Variants in ZNF30 observed in about 807,000 individuals in gnomAD.
The protein encoded by ZNF30 is zinc finger protein 30 (KOX 28).
Under a neutral mutation model 13.2 loss-of-function variants are expected in ZNF30, and 15 were observed. The observed-to-expected ratio is 1.13, with a 90% CI of 0.76 to 1.75. The LOEUF is 1.75. ZNF30 is among the 40% of genes most tolerant of loss of function. The probability of loss-of-function intolerance (pLI) is 0.00; values close to 1 mark genes in which losing one functional copy is unlikely to be tolerated. For synonymous variants in ZNF30, 223 were observed against 256.6 expected (o/e 0.87, Z 1.25); for missense variants, 726 against 757.0 (o/e 0.96, Z 0.48).
intron 4 of ZNF30, among the ~76,000 whole-genome samples, chr19:34,938,894 G>A (rs931710681): frequency 2.0e-5 from 3 of 152,142 alleles, no homozygotes; most frequent in Admixed American, 1.3e-4. Flanking sequence ...GCAGAGAGAC[G>A]AGACACACAC....
upstream of ZNF30, among the ~76,000 whole-genome samples, chr19:34,925,982 G>A (rs913929989): frequency 6.6e-6 from 1 of 152,100 alleles, no homozygotes; most frequent in African/African-American, 2.4e-5. Context: ...GACTAGCCTG[G>A]GCAAGATGGC....
At chr19:34,934,720 C>T (rs1372476589) in intron 4 of ZNF30, among the ~76,000 whole-genome samples, 1 of 152,026 alleles carries the variant, frequency 6.6e-6, no homozygotes, top group Non-Finnish European at 1.5e-5. Flanking sequence ...AGGCAGATAC[C>T]TTTGTAACCA....
intron 4 of ZNF30, among the ~76,000 whole-genome samples, chr19:34,941,026 A>G (rs538106962): frequency 6.6e-6 from 1 of 152,340 alleles, no homozygotes; most frequent in South Asian, 2.1e-4. Context: ...TCTCATAAGA[A>G]TAATATTTCT....
At chr19:34,942,930 T>G (rs1838680168) in intron 4 of ZNF30, among the ~76,000 whole-genome samples, 2 of 152,248 alleles carry the variant, frequency 1.3e-5, no homozygotes, top group African/African-American at 4.8e-5. Flanking sequence ...GAACTTCCCC[T>G]ATGTCTGATT....
Position 34,943,994 on chromosome 19 carries a change from C to G in ZNF30, c.1028C>G (p.Pro343Arg). 1 of 1,614,030 alleles carries G rather than the reference C, an allele frequency of 6.2e-7. No homozygotes were observed. The highest frequency in any genetic ancestry group is 8.5e-7 in the Non-Finnish European group (1 of 1,180,018). ...RHQSIHTGEK[P>R]FECKECGKAF... The stretch of plus-strand genomic sequence containing the variant: ...CAGAGTATTCATACTGGTGAGAAAC[C>G]TTTTGAATGTAAGGAATGTGGAAAG... Residue 343 changes from proline (P) to arginine (R), a missense_variant, in exon 5 of 5, where the codon CCT (proline) becomes CGT (arginine). Coordinates refer to ENST00000601142, the MANE Select transcript of ZNF30 (RefSeq NM_194325.3).
At chr19:34,930,529 T>A (rs1370048803) in intron 2 of ZNF30, among the ~76,000 whole-genome samples, 2 of 152,056 alleles carry the variant, frequency 1.3e-5, no homozygotes, top group African/African-American at 4.8e-5. Flanking sequence ...ATGCATTTGG[T>A]TCTGAGTCAT....
At chr19:34,942,473 A>G in intron 4 of ZNF30, 1 of 382,740 alleles carries the variant, frequency 2.6e-6, no homozygotes. Context: ...AAAAAGAAAA[A>G]GAAAACCAGT....
chr19:34,930,251 A>G (rs754556363), intron 2 of ZNF30, among the ~76,000 whole-genome samples: 7 of 152,204 alleles, frequency 4.6e-5, no homozygotes, highest in Non-Finnish European at 1.0e-4. Context: ...TGAGCTTCCT[A>G]CATCCATCTG....
intron 4 of ZNF30, among the ~76,000 whole-genome samples, chr19:34,942,868 T>C (rs1446543099): frequency 6.6e-6 from 1 of 152,134 alleles, no homozygotes; most frequent in Non-Finnish European, 1.5e-5. Context: ...TTATAAAAAT[T>C]TCATCTGCAT....
intron 4 of ZNF30, among the ~76,000 whole-genome samples, chr19:34,939,382 G>A (rs1353101543): frequency 6.6e-6 from 1 of 151,990 alleles, no homozygotes; most frequent in Non-Finnish European, 1.5e-5. Context: ...GTTTCACCAT[G>A]TTGGCCAGGC....
At chr19:34,929,293 T>C (rs1306383208) in intron 1 of ZNF30, among the ~76,000 whole-genome samples, 2 of 152,072 alleles carry the variant, frequency 1.3e-5, no homozygotes, top group South Asian at 2.1e-4. Context: ...TCTCAAAAAA[T>C]AAAACAAAAC....
chr19:34,928,066 A>G (rs775386294), intron 1 of ZNF30, among the ~76,000 whole-genome samples: 6 of 151,720 alleles, frequency 4.0e-5, no homozygotes, highest in African/African-American at 1.4e-4. Flanking sequence ...TTAGCCAGGC[A>G]TGGTGGCGTG....
intron 4 of ZNF30, among the ~76,000 whole-genome samples, chr19:34,939,866 A>G (rs972282034): frequency 1.3e-5 from 2 of 152,234 alleles, no homozygotes; most frequent in African/African-American, 4.8e-5. Context: ...AGACGGAAAA[A>G]TGTTCCCAGG....
chr19:34,927,678 A>G (rs760156334), intron 1 of ZNF30, among the ~76,000 whole-genome samples: 2 of 152,164 alleles, frequency 1.3e-5, no homozygotes, highest in South Asian at 4.1e-4. Flanking sequence ...ATTTCCATCA[A>G]TCTCCATATT....
chr19:34,932,552 T>G (rs1037490164), intron 3 of ZNF30, among the ~76,000 whole-genome samples: 2 of 152,160 alleles, frequency 1.3e-5, no homozygotes, highest in Non-Finnish European at 2.9e-5. Flanking sequence ...TACTGTGTGC[T>G]GTTTCACTGT....
chr19:34,933,929 A>G (rs1351867378), intron 4 of ZNF30, among the ~76,000 whole-genome samples: 1 of 151,786 alleles, frequency 6.6e-6, no homozygotes, highest in Non-Finnish European at 1.5e-5. Context: ...ATACTCACTC[A>G]CCTCTTGTTT....
intron 4 of ZNF30, among the ~76,000 whole-genome samples, chr19:34,936,106 G>A (rs2012725182): frequency 6.6e-6 from 1 of 152,178 alleles, no homozygotes; most frequent in African/African-American, 2.4e-5. Context: ...CAACACGTGG[G>A]AATTATGGGA....
chr19:34,927,266 G>GCGGCAGGGCAGGGAGGGTGCGT (rs2012125164), intron 1 of ZNF30, 50 bp downstream of exon 1: 4 of 365,114 alleles, frequency 1.1e-5, no homozygotes, highest in Non-Finnish European at 1.9e-5. Flanking sequence ...GAGTGCGGGA[G>GCGGCAGGGCAGGGAGGGTGCGT]CGGCAGGGCA....
Position 34,926,909 on chromosome 19 carries a change from G to A in ZNF30, c.-372G>A, listed in dbSNP as rs1464532854. On this transcript the variant is annotated 5_prime_UTR_variant, in exon 1 of 5. Transcript: ENST00000601142. ...CCGGGCGCCGGTGGGCGGCCTTGTG[G>A]ACTGCGCCGGGCATGCTCGGCGGTG... 1.3e-5 allele frequency: 5 copies of A among 398,208 alleles called. No homozygotes were observed. The highest frequency in any genetic ancestry group is 2.2e-5 in the Non-Finnish European group (5 of 225,888). The allele number at this position is 398,208 out of a possible 1,614,324, so 24.7% of individuals were successfully genotyped here. A position where few individuals can be genotyped will look rare whatever the true frequency, so the allele number is the denominator to read the frequency against.
Sources: gnomAD v4.1 joint callset for allele counts (sites outside exome capture counted in the v4.1 genomes callset) on GRCh38, gnomAD v4.1.1 for gene constraint, MANE v1.5 for transcripts, NCBI Gene and HGNC (gene_info 2026-07-23, HGNC 2026-07-21) for gene names.